Variants in RPS20 observed in about 807,000 individuals in gnomAD.
RPS20 encodes ribosomal protein S20.
In RPS20, 3 loss-of-function variants were observed where a neutral mutation model predicts 15.3. The ratio of observed to expected loss-of-function variants is 0.20; its 90% CI spans 0.09 to 0.51. The LOEUF is 0.51. RPS20 is among the 20% of genes least tolerant of loss of function. The probability of loss-of-function intolerance (pLI) is 0.96; values close to 1 mark genes in which losing one functional copy is unlikely to be tolerated. For synonymous variants in RPS20, 62 were observed against 47.8 expected (o/e 1.30, Z -1.23); for missense variants, 67 against 145.9 (o/e 0.46, Z 2.79).
At chr8:56,071,212 T>C (rs1051147727), downstream of RPS20, among the ~76,000 whole-genome samples, 2 of 152,214 alleles carry the variant, frequency 1.3e-5, no homozygotes, top group Admixed American at 6.5e-5. Flanking sequence ...TTTACTGAAG[T>C]GTATTTTTCA....
chr8:56,073,714 G>A lies in RPS20; in HGVS notation c.158C>T (p.Pro53Leu). The A allele has an allele frequency of 1.2e-6, 2 of 1,613,916 alleles. No homozygotes were observed. Among genetic ancestry groups the A allele is most frequent in the Non-Finnish European group, 8.5e-7 (1 of 1,179,876 alleles). ...AKEKNLKVKG[P>L]VRMPTKTLRI... Reference sequence around the variant, plus strand: ...CTTTACCTTGGTAGGCATTCGAACTGGTCCTTTCACTTTGAGATTCTTTTC... The same window carrying A: ...CTTTACCTTGGTAGGCATTCGAACTAGTCCTTTCACTTTGAGATTCTTTTC... Residue 53 changes from proline (P) to leucine (L), a missense_variant, in exon 3 of 4, where the codon CCA becomes CTA. Coordinates refer to ENST00000009589, the MANE Select transcript of RPS20 (RefSeq NM_001023.4).
intron 3 of RPS20, 57 bp from the exon 4 acceptor site, chr8:56,073,329 C>T: frequency 3.6e-6 from 4 of 1,096,258 alleles, no homozygotes; most frequent in African/African-American, 1.5e-5. Flanking sequence ...ATCCCTAGAA[C>T]ATCTGGAAAA....
At chr8:56,071,363 G>A (rs975268588), downstream of RPS20, among the ~76,000 whole-genome samples, 3 of 152,146 alleles carry the variant, frequency 2.0e-5, no homozygotes, top group East Asian at 1.9e-4. Flanking sequence ...CGTATTGATA[G>A]GTATTCCATT....
intron 1 of RPS20, 94 bp from the exon 2 acceptor site, chr8:56,074,253 C>G: frequency 6.5e-7 from 1 of 1,527,098 alleles, no homozygotes; most frequent in Non-Finnish European, 9.0e-7. Flanking sequence ...CGTTTCCCCA[C>G]CATTTCAGGA....
chr8:56,068,805 A>ATTTTT (rs1320901753), downstream of RPS20, among the ~76,000 whole-genome samples: 4 of 41,530 alleles, frequency 9.6e-5, no homozygotes, highest in South Asian at 8.8e-4. Flanking sequence ...TGGTGAAAAT[A>ATTTTT]TCTTTTTTTT....
chr8:56,074,358 C>T, intron 1 of RPS20, 23 bp downstream of exon 1: 1 of 1,552,824 alleles, frequency 6.4e-7, no homozygotes, highest in South Asian at 1.2e-5. Context: ...CGTTGCGCCG[C>T]CCGCCGCCGA....
chr8:56,073,326 G>A (rs768430426), intron 3 of RPS20, 54 bp from the exon 4 acceptor site: 56 of 1,103,694 alleles, frequency 5.1e-5, no homozygotes, highest in Non-Finnish European at 6.7e-5. Context: ...CTTATCCCTA[G>A]AACATCTGGA....
downstream of RPS20, among the ~76,000 whole-genome samples, chr8:56,071,940 C>G (rs78070889): frequency 0.019 from 2,959 of 152,246 alleles, 79 homozygotes; most frequent in African/African-American, 0.06. Flanking sequence ...GTAAGGGTAT[C>G]TATCTGATTT....
At chr8:56,073,570 A>ATT in intron 3 of RPS20, 125 bp downstream of exon 3, 1 of 794,972 alleles carries the variant, frequency 1.3e-6, no homozygotes, top group East Asian at 2.4e-5. Context: ...TCTACCACCG[A>ATT]TTTCTATGTG....
chr8:56,073,286 CA>C lies in RPS20; in HGVS notation c.178-15del. 2 of 1,509,142 alleles carry C rather than the reference CA, an allele frequency of 1.3e-6. No individual in the cohort carries two copies. Among genetic ancestry groups the C allele is most frequent in the Non-Finnish European group, 9.2e-7 (1 of 1,087,598 alleles). 93.5% of individuals were successfully genotyped at this position (1,509,142 alleles called of 1,614,324 possible). ...GATTCTCAAAGTCTGTAACAAAAGA[CA>C]AAGGAAACCAAGTGTTTATCGTTTT... On this transcript the variant is annotated splice_polypyrimidine_tract_variant and intron_variant, in intron 3 of 3. Transcript: ENST00000009589.
At chr8:56,068,432 G>C (rs1472938339), downstream of RPS20, 1 of 151,718 alleles carries the variant, frequency 6.6e-6, no homozygotes, top group Non-Finnish European at 1.5e-5. Context: ...CAGCTACTCA[G>C]GAGGCTGAGA....
At position 56,074,410 on chromosome 8, in the gene RPS20, G is replaced by T; in HGVS notation, c.-27C>A. The T allele has an allele frequency of 6.4e-7, 1 of 1,555,504 alleles. No homozygotes were observed. The highest frequency in any genetic ancestry group is 1.2e-5 in the South Asian group (1 of 86,426). Reference sequence around the variant, plus strand: ...GCTGTTGCGCGCGGGCTTCCTGACCGACTTGTTCCTCGGCGAGAGCGAACA... The same window carrying T: ...GCTGTTGCGCGCGGGCTTCCTGACCTACTTGTTCCTCGGCGAGAGCGAACA... On this transcript the variant is annotated 5_prime_UTR_variant, in exon 1 of 4. Transcript: ENST00000009589.
downstream of RPS20, among the ~76,000 whole-genome samples, chr8:56,072,554 C>T (rs943705155): frequency 2.0e-5 from 3 of 147,748 alleles, no homozygotes; most frequent in South Asian, 6.4e-4. Context: ...GCCGTCCCCC[C>T]CCCCAAAAAA....
chr8:56,073,980 C>T, intron 2 of RPS20, 80 bp downstream of exon 2: 2 of 1,253,182 alleles, frequency 1.6e-6, no homozygotes, highest in African/African-American at 1.5e-5. Context: ...TGCAGTCCAC[C>T]TTCTACACTA....
At chr8:56,069,018 G>A (rs947751413), downstream of RPS20, among the ~76,000 whole-genome samples, 2 of 150,848 alleles carry the variant, frequency 1.3e-5, no homozygotes, top group Non-Finnish European at 1.5e-5. Flanking sequence ...GGCTGGTCTC[G>A]AACTCCTGAC....
At chr8:56,069,831 C>G (rs1335627295), downstream of RPS20, 2 of 1,458,044 alleles carry the variant, frequency 1.4e-6, no homozygotes, top group Non-Finnish European at 1.9e-6. Context: ...TAGATTCGAT[C>G]AACTGTAGAT....
intron 2 of RPS20, 52 bp downstream of exon 2, chr8:56,073,999 GAGTAAAGCT>G (rs1809850091): frequency 7.6e-7 from 1 of 1,318,338 alleles, no homozygotes; most frequent in Non-Finnish European, 1.1e-6. Context: ...TAACATTAAC[GAGTAAAGCT>G]CGTCGCTTTT....
rs770747838 is a variant in RPS20, at chr8:56,073,934, GCTTTA to G, written c.103+121_103+125del. On this transcript the variant is annotated intron_variant, in intron 2 of 3. Coordinates refer to ENST00000009589, the MANE Select transcript of RPS20 (RefSeq NM_001023.4). ...GACAGTAAAAGCAATTTTAAGCCAC[GCTTTA>G]CTTTTTTAAGTAACTTGTCACTTTA... 3.6e-6 allele frequency: 4 copies of G among 1,111,786 alleles called. No individual in the cohort carries two copies. In the East Asian group the frequency reaches 7.0e-5, roughly 20 times the overall value. The allele number at this position is 1,111,786 out of a possible 1,614,324, so 68.9% of individuals were successfully genotyped here. A position where few individuals can be genotyped will look rare whatever the true frequency, so the allele number is the denominator to read the frequency against.
downstream of RPS20, chr8:56,069,703 C>T (rs150975205): frequency 5.1e-3 from 7,850 of 1,546,176 alleles, 762 homozygotes; most frequent in Admixed American, 0.14. Context: ...CCACTTATAC[C>T]TGCTTGGTCA....
Sources: allele counts gnomAD v4.1 joint callset (sites outside exome capture counted in the v4.1 genomes callset), GRCh38; gene constraint gnomAD v4.1.1; transcripts MANE v1.5; gene names NCBI Gene and HGNC (gene_info 2026-07-23, HGNC 2026-07-21).